Variants in IQSEC1 observed in about 807,000 individuals in gnomAD.
IQSEC1 encodes the protein IQ motif and Sec7 domain ArfGEF 1, also known as IQ motif and SEC7 domain-containing protein 1.
IQSEC1 carries 31 observed loss-of-function variants against 91.0 expected under a neutral mutation model. That is an observed-to-expected ratio of 0.34 (90% CI 0.26 to 0.46). The LOEUF is 0.46. Among genes scored for constraint, IQSEC1 ranks in the 20% least tolerant of loss-of-function variants. The pLI, the probability that IQSEC1 is intolerant of heterozygous loss-of-function variation, is 1.00. For synonymous variants in IQSEC1, 699 were observed against 662.6 expected (o/e 1.05, Z -0.84); for missense variants, 1,388 against 1,575.6 (o/e 0.88, Z 2.02).
In IQSEC1 at chr3:12,907,385, G is replaced by T. The variant is rs528405157; in HGVS notation, c.2755+964C>A. Among the ~76,000 whole-genome samples, 41 of 152,332 alleles carry T rather than the reference G, an allele frequency of 2.7e-4. No homozygotes were observed. In the South Asian group the frequency reaches 7.9e-3, roughly 29 times the overall value. On this transcript the variant is annotated intron_variant, in intron 12 of 13. Transcript: ENST00000613206. ...GGCAGGCAACCCCAGGAATGGGGGGGTCTTCCCAAAACAGGCACACCAGGC... is the reference window on the plus strand; with the variant it reads ...GGCAGGCAACCCCAGGAATGGGGGGTTCTTCCCAAAACAGGCACACCAGGC...
At chr3:13,174,918 A>G (rs1336284691) in intron 1 of IQSEC1, among the ~76,000 whole-genome samples, 1 of 141,168 alleles carries the variant, frequency 7.1e-6, no homozygotes, top group Non-Finnish European at 1.5e-5. Context: ...ACACAAGGCC[A>G]CTCCTGCCGC....
intron 1 of IQSEC1, among the ~76,000 whole-genome samples, chr3:13,278,116 G>A (rs1695723860): frequency 6.6e-6 from 1 of 152,180 alleles, no homozygotes; most frequent in East Asian, 1.9e-4. Flanking sequence ...AACAGAGTCT[G>A]AATGCCACTG....
chr3:13,100,165 C>T lies in IQSEC1; in HGVS notation c.303-52643G>A, dbSNP rs1706032947. On this transcript the variant is annotated intron_variant, in intron 2 of 15. Coordinates refer to the IQSEC1 transcript ENST00000648114. ...GTGGGGCAACTAGGCTTGGGAGAGA[C>T]TCCGTGGTCCTAACCCCTCAGCTGT... 1.4e-5 allele frequency among the ~76,000 whole-genome samples: 2 copies of T among 147,846 alleles called. 1 individual carries two copies. The highest frequency in any genetic ancestry group is 5.1e-5 in the African/African-American group (2 of 38,946).
intron 1 of IQSEC1, among the ~76,000 whole-genome samples, chr3:13,011,900 T>A (rs76537571): frequency 0.014 from 2,145 of 152,330 alleles, 22 homozygotes; most frequent in Non-Finnish European, 0.023. Context: ...ACAGAGGCCA[T>A]TGAGCCTGGC....
At chr3:13,274,481 G>A (rs1695642608) in intron 1 of IQSEC1, among the ~76,000 whole-genome samples, 4 of 152,180 alleles carry the variant, frequency 2.6e-5, no homozygotes, top group Admixed American at 2.0e-4. Context: ...CTCCACGGGT[G>A]TGACGCTCTT....
chr3:13,059,753 A>G (rs1705001172), intron 1 of IQSEC1, among the ~76,000 whole-genome samples: 1 of 152,140 alleles, frequency 6.6e-6, no homozygotes, highest in Non-Finnish European at 1.5e-5. Context: ...CCTATCTCTA[A>G]AAAATGAAAG....
At chr3:13,108,946 G>A (rs533232694) in intron 2 of IQSEC1, among the ~76,000 whole-genome samples, 1 of 152,324 alleles carries the variant, frequency 6.6e-6, no homozygotes, top group East Asian at 1.9e-4. Context: ...CAGTGGACAG[G>A]ACATCAGTCA....
rs764461456 is a variant in IQSEC1, at chr3:12,935,839, A to T, written c.1177T>A (p.Tyr393Asn). 1 of 1,608,244 alleles carries T rather than the reference A, an allele frequency of 6.2e-7. No homozygotes were observed. Among genetic ancestry groups the T allele is most frequent in the South Asian group, 1.1e-5 (1 of 91,078 alleles). Residue 393 changes from tyrosine to asparagine, a missense_variant, in exon 3 of 14, where the codon TAC becomes AAC. Physicochemically the swap from Tyr to Asn is moderately radical, Grantham distance 143 (BLOSUM62 -2). Coordinates refer to ENST00000613206, the MANE Select transcript of IQSEC1 (RefSeq NM_001134382.3). The surrounding 1 kb of genome is among the most constrained non-coding windows in gnomAD (Gnocchi z 8.0). ...ERGSLKRQSA[Y>N]ERSLGGQQGS... ...TGCTGCCCGCCAAGGCTGCGCTCGT[A>T]AGCACTCTGCCTCTTGAGTGACCCC...
chr3:13,122,660 ACAGGCCC>A (rs1706444644), intron 2 of IQSEC1, among the ~76,000 whole-genome samples: 1 of 152,182 alleles, frequency 6.6e-6, no homozygotes, highest in Admixed American at 6.5e-5. Context: ...CGAGCTGGGC[ACAGGCCC>A]CGGGAAGGGA....
intron 6 of IQSEC1, 73 bp from the exon 7 acceptor site, chr3:12,915,806 C>G: frequency 1.3e-6 from 2 of 1,565,142 alleles, no homozygotes; most frequent in South Asian, 2.3e-5. Context: ...TAAAGCAAAT[C>G]AGAGGAGCGA....
intron 2 of IQSEC1, among the ~76,000 whole-genome samples, chr3:13,108,180 A>G (rs544482344): frequency 3.9e-5 from 6 of 152,300 alleles, no homozygotes; most frequent in African/African-American, 1.2e-4. Flanking sequence ...TTGTTCACTG[A>G]CCATTATTTC....
chr3:12,989,193 G>A (rs1423494512), intron 1 of IQSEC1, among the ~76,000 whole-genome samples: 2 of 152,206 alleles, frequency 1.3e-5, no homozygotes, highest in Non-Finnish European at 2.9e-5. Context: ...TAGAATAAAA[G>A]CTCCCGGAGG....
upstream of IQSEC1, among the ~76,000 whole-genome samples, chr3:13,076,232 T>C (rs1400163282): frequency 6.6e-6 from 1 of 152,080 alleles, no homozygotes; most frequent in East Asian, 1.9e-4. Flanking sequence ...TAAGGCACAG[T>C]GGGAACCTAG....
chr3:12,992,483 G>C lies in IQSEC1; in HGVS notation c.24-50618C>G, dbSNP rs2125633222. On this transcript the variant is annotated intron_variant, in intron 1 of 13. Coordinates refer to ENST00000613206, the MANE Select transcript of IQSEC1 (RefSeq NM_001134382.3). This position sits in a 1 kb window ranked among gnomAD's most constrained non-coding sequence, Gnocchi z 4.1. Reference sequence around the variant, plus strand: ...TAATGAGGAGGTGGGCATCATACTGGGGGCAGGGGAGGGTGACGAGAAAGC... The same window carrying C: ...TAATGAGGAGGTGGGCATCATACTGCGGGCAGGGGAGGGTGACGAGAAAGC... Among the ~76,000 whole-genome samples the C allele has an allele frequency of 6.6e-6, 1 of 152,298 alleles. No individual in the cohort carries two copies. The highest frequency in any genetic ancestry group is 2.4e-5 in the African/African-American group (1 of 41,552).
rs1487170928 is a variant in IQSEC1 at position 13,067,413 on chromosome 3, G to A, written c.23+5579C>T. ...AACTGGTCTGGTCCACAGGCATTGG[G>A]TGGGGGGCTCCCAGCCACTGTGGGA... On this transcript the variant is annotated intron_variant, in intron 1 of 13. Coordinates refer to ENST00000613206, the MANE Select transcript of IQSEC1 (RefSeq NM_001134382.3). 3.9e-5 allele frequency among the ~76,000 whole-genome samples: 6 copies of A among 152,240 alleles called. No individual in the cohort carries two copies. In the South Asian group the frequency reaches 6.2e-4, roughly 16 times the overall value.
intron 1 of IQSEC1, among the ~76,000 whole-genome samples, chr3:13,061,182 G>T (rs1228414405): frequency 1.3e-5 from 2 of 152,098 alleles, no homozygotes; most frequent in African/African-American, 4.8e-5. Context: ...GGCTGGGAAT[G>T]ACCCATATTA....
At chr3:13,055,924 C>G (rs74727938) in intron 1 of IQSEC1, among the ~76,000 whole-genome samples, 1 of 152,142 alleles carries the variant, frequency 6.6e-6, no homozygotes, top group African/African-American at 2.4e-5. Context: ...ATAGAGAGGC[C>G]CACCTGGCCC....
intron 1 of IQSEC1, among the ~76,000 whole-genome samples, chr3:13,244,927 C>T (rs1695083141): frequency 6.6e-6 from 1 of 152,194 alleles, no homozygotes; most frequent in Admixed American, 6.5e-5. Flanking sequence ...CTTCCCATGC[C>T]TCTGAGGACT....
At chr3:13,196,751 T>C (rs1202216084) in intron 1 of IQSEC1, among the ~76,000 whole-genome samples, 2 of 22,358 alleles carry the variant, frequency 8.9e-5, no homozygotes, top group Non-Finnish European at 8.0e-5. Flanking sequence ...TGTGTGTGCG[T>C]GTGTGTGTGT....
Sources: gnomAD v4.1 joint callset for allele counts (sites outside exome capture counted in the v4.1 genomes callset) on GRCh38, gnomAD v4.1.1 for gene constraint, Gnocchi (gnomAD v3.1) non-coding constraint, MANE v1.5 for transcripts, NCBI Gene and HGNC (gene_info 2026-07-23, HGNC 2026-07-21) for gene names.